Variants in GPM6A observed in about 807,000 individuals in gnomAD.
The protein encoded by GPM6A is neuronal membrane glycoprotein M6-a.
In GPM6A, 7 loss-of-function variants were observed where a neutral mutation model predicts 32.1. The ratio of observed to expected loss-of-function variants is 0.22; its 90% CI spans 0.12 to 0.41. The LOEUF is 0.41. Among genes scored for constraint, GPM6A ranks in the 10% least tolerant of loss-of-function variants. GPM6A has a pLI of 1.00. For synonymous variants in GPM6A, 130 were observed against 123.4 expected (o/e 1.05, Z -0.35); for missense variants, 235 against 347.2 (o/e 0.68, Z 2.57).
At chr4:175,893,114 A>G (rs1046046239) in intron 1 of GPM6A, among the ~76,000 whole-genome samples, 1 of 152,194 alleles carries the variant, frequency 6.6e-6, no homozygotes, top group African/African-American at 2.4e-5. Flanking sequence ...TCCCCCATGG[A>G]TAAGACAGGC....
At chr4:175,637,885 TTA>T (rs137911086) in intron 6 of GPM6A, among the ~76,000 whole-genome samples, 2,015 of 122,802 alleles carry the variant, frequency 0.016, 20 homozygotes, top group Non-Finnish European at 0.024. Context: ...TATTTATATA[TTA>T]TATATATATA....
intron 4 of GPM6A, among the ~76,000 whole-genome samples, chr4:175,648,443 G>T (rs1168536453): frequency 6.6e-6 from 1 of 152,172 alleles, no homozygotes; most frequent in Non-Finnish European, 1.5e-5. Flanking sequence ...TCATGATCAA[G>T]TAAATGTAGG....
chr4:175,678,220 C>T (rs1182240430), intron 2 of GPM6A, among the ~76,000 whole-genome samples: 3 of 152,038 alleles, frequency 2.0e-5, no homozygotes, highest in Non-Finnish European at 4.4e-5. Context: ...GAGAAAGAAT[C>T]TTCTGGGAGT....
At chr4:175,876,304 G>T (rs1737083455) in intron 1 of GPM6A, among the ~76,000 whole-genome samples, 1 of 152,152 alleles carries the variant, frequency 6.6e-6, no homozygotes, top group Non-Finnish European at 1.5e-5. Flanking sequence ...CTACCAGACT[G>T]TGCTAGAGGA....
intron 1 of GPM6A, among the ~76,000 whole-genome samples, chr4:175,734,156 A>ATTT (rs1293353203): frequency 3.6e-5 from 3 of 83,904 alleles, no homozygotes; most frequent in East Asian, 8.2e-4. Flanking sequence ...ATATATATAT[A>ATTT]TATATTTTTT....
At chr4:175,783,038 T>C (rs1733672276) in intron 1 of GPM6A, among the ~76,000 whole-genome samples, 1 of 152,002 alleles carries the variant, frequency 6.6e-6, no homozygotes, top group South Asian at 2.1e-4. Flanking sequence ...ATTTTCAAAA[T>C]GTTCTAGTTT....
In GPM6A at chr4:175,673,777, A is replaced by G. The variant is rs11729990; in HGVS notation, c.290T>C (p.Ile97Thr). 2 of 1,612,670 alleles carry G rather than the reference A, an allele frequency of 1.2e-6. No individual in the cohort carries two copies. Residue 97 changes from isoleucine (I) to threonine (T), a missense_variant, in exon 3 of 7, where the codon ATT becomes ACT. By Grantham distance (89) the Ile-to-Thr change is moderately conservative (BLOSUM62 -1). Transcript: ENST00000393658. ...GIAAAFFVYGILLMVEGFFTT... is the reference protein window; with the variant it reads ...GIAAAFFVYGTLLMVEGFFTT... ...GAAGAAACCTTCCACCATCAGCAAA[A>G]TGCCATACACAAAGAACGCAGCTGC...
chr4:175,755,638 A>G (rs1732495874), intron 1 of GPM6A, among the ~76,000 whole-genome samples: 1 of 152,180 alleles, frequency 6.6e-6, no homozygotes, highest in Non-Finnish European at 1.5e-5. Context: ...TCAAAATTGC[A>G]TAAAAAAGTT....
chr4:175,696,939 A>T (rs1383397778), intron 2 of GPM6A, among the ~76,000 whole-genome samples: 1 of 152,172 alleles, frequency 6.6e-6, no homozygotes, highest in Non-Finnish European at 1.5e-5. Flanking sequence ...GTCTGAGCTT[A>T]CTGATTTATT....
intron 1 of GPM6A, among the ~76,000 whole-genome samples, chr4:175,756,175 A>G (rs1732517566): frequency 6.6e-6 from 1 of 151,998 alleles, no homozygotes; most frequent in African/African-American, 2.4e-5. Flanking sequence ...ACTTAAGGAA[A>G]GAAGAGAGAG....
chr4:175,761,357 G>T (rs758674776), intron 1 of GPM6A, among the ~76,000 whole-genome samples: 3 of 152,156 alleles, frequency 2.0e-5, no homozygotes, highest in Non-Finnish European at 2.9e-5. Flanking sequence ...CTCCCAAAGT[G>T]CTGGGATTAC....
chr4:175,709,122 T>C (rs886412545), intron 1 of GPM6A, among the ~76,000 whole-genome samples: 45 of 152,240 alleles, frequency 3.0e-4, no homozygotes, highest in African/African-American at 8.2e-4. Context: ...AAGTTGTATA[T>C]AACATTTTAA....
At chr4:175,775,814 G>C (rs1178574882) in intron 1 of GPM6A, among the ~76,000 whole-genome samples, 1 of 152,080 alleles carries the variant, frequency 6.6e-6, no homozygotes, top group Non-Finnish European at 1.5e-5. Context: ...TATTACAGCA[G>C]AGCCATTTTT....
intron 1 of GPM6A, among the ~76,000 whole-genome samples, chr4:175,890,446 T>C (rs1044717199): frequency 6.6e-6 from 1 of 152,126 alleles, no homozygotes; most frequent in Non-Finnish European, 1.5e-5. Context: ...TGGAAAACCA[T>C]ACACACAGTC....
chr4:175,808,628 C>T lies in GPM6A; in HGVS notation c.37+3563G>A, dbSNP rs184759355. ...TGATCATCTACATCTGCTAGTGACC[C>T]AGTCCCTGAGAGTCACCAAGAATTG... On this transcript the variant is annotated intron_variant, in intron 1 of 6. Coordinates refer to ENST00000393658, the MANE Select transcript of GPM6A (RefSeq NM_201591.3). The T allele has an allele frequency of 6.6e-5, 10 of 152,274 alleles. No homozygotes were observed. In the East Asian group the frequency reaches 1.7e-3, roughly 26 times the overall value. The allele number at this position is 152,274 out of a possible 1,614,324, so 9.4% of individuals were successfully genotyped here.
At chr4:175,868,454 A>G (rs936453122) in intron 1 of GPM6A, among the ~76,000 whole-genome samples, 1 of 152,194 alleles carries the variant, frequency 6.6e-6, no homozygotes, top group Non-Finnish European at 1.5e-5. Context: ...CAATTTATGC[A>G]CTTAATGCTA....
intron 1 of GPM6A, among the ~76,000 whole-genome samples, chr4:175,827,462 A>G (rs1450719416): frequency 1.3e-5 from 2 of 152,232 alleles, no homozygotes; most frequent in African/African-American, 4.8e-5. Flanking sequence ...GACTTGTTCC[A>G]GGTAACAGCT....
chr4:175,792,933 C>A (rs1400074601), intron 1 of GPM6A, among the ~76,000 whole-genome samples: 1 of 152,158 alleles, frequency 6.6e-6, no homozygotes, highest in Non-Finnish European at 1.5e-5. Flanking sequence ...AATCCCAGCA[C>A]TTTAGGAGGC....
At chr4:175,865,141 T>A (rs779567368) in intron 1 of GPM6A, among the ~76,000 whole-genome samples, 4 of 152,186 alleles carry the variant, frequency 2.6e-5, no homozygotes, top group African/African-American at 4.8e-5. Flanking sequence ...GAGGTAATAA[T>A]GAAAGAGTAC....
Sources: gnomAD v4.1 joint callset for allele counts (sites outside exome capture counted in the v4.1 genomes callset) on GRCh38, gnomAD v4.1.1 for gene constraint, MANE v1.5 for transcripts, NCBI Gene and HGNC (gene_info 2026-07-23, HGNC 2026-07-21) for gene names.